STN1: variants seen among roughly 807,000 people sequenced by gnomAD.
STN1 encodes the protein STN1 subunit of CST complex.
STN1 carries 29 observed loss-of-function variants against 45.5 expected under a neutral mutation model. That is an observed-to-expected ratio of 0.64 (90% confidence interval 0.47 to 0.87). The LOEUF is 0.87. Ranked by LOEUF, STN1 falls within the 40% of genes least tolerant of loss-of-function variation. The pLI is 0.00. For missense variants in STN1, 376 were observed against 441.4 expected (o/e 0.85, Z 1.33); for synonymous variants, 148 against 159.0 (o/e 0.93, Z 0.52).
rs544871796 is a variant in STN1, at chr10:103,892,095, T to C, written c.876+35A>G. On this transcript the variant is annotated intron_variant, in intron 8 of 9. Coordinates refer to ENST00000224950, the MANE Select transcript of STN1 (RefSeq NM_024928.5). ...TAATAAATATATTTGTAATTGAAGC[T>C]ACAAAGAAAAAAAGTTAAGTTGCAA... The C allele has an allele frequency of 1.1e-5, 16 of 1,514,410 alleles. 1 individual carries two copies. Among genetic ancestry groups the C allele is most frequent in the African/African-American group, 9.8e-5 (7 of 71,284 alleles). The allele number at this position is 1,514,410 out of a possible 1,614,324, so 93.8% of individuals were successfully genotyped here. A position where few individuals can be genotyped will look rare whatever the true frequency, so the allele number is the denominator to read the frequency against.
rs1271717966 is a variant in STN1, at chr10:103,881,172, A to G, written c.*1512T>C. Among the ~76,000 whole-genome samples the G allele has an allele frequency of 6.6e-6, 1 of 152,182 alleles. No individual in the cohort carries two copies. Among genetic ancestry groups the G allele is most frequent in the Non-Finnish European group, 1.5e-5 (1 of 68,028 alleles). ...CTATAGGTATTTTCCCCAATATAGA[A>G]TTCTAGATTATACAGCAATGAACAC... is the stretch of plus-strand genomic sequence containing the variant. On this transcript the variant is annotated 3_prime_UTR_variant, in exon 10 of 10. Coordinates refer to ENST00000224950, the MANE Select transcript of STN1 (RefSeq NM_024928.5).
chr10:103,914,614 A>G (rs1843316371), intron 2 of STN1, among the ~76,000 whole-genome samples: 1 of 151,574 alleles, frequency 6.6e-6, no homozygotes, highest in African/African-American at 2.4e-5. Flanking sequence ...TGGCCTCCCA[A>G]AGTGCTGGGA....
rs1168470747 is a variant in STN1, at chr10:103,881,374, C to G, written c.*1310G>C. On this transcript the variant is annotated 3_prime_UTR_variant, in exon 10 of 10. Transcript: ENST00000224950. ...AACAGCTGCTGACCTCAAGGAAGAA[C>G]TGCCCAGGACATCATTCCAGGCAGA... Among the ~76,000 whole-genome samples, 2 of 152,228 alleles carry G rather than the reference C, an allele frequency of 1.3e-5. No homozygotes were observed. Among genetic ancestry groups the G allele is most frequent in the African/African-American group, 4.8e-5 (2 of 41,462 alleles).
chr10:103,885,085 C>G (rs1383361735), intron 9 of STN1, among the ~76,000 whole-genome samples: 1 of 152,148 alleles, frequency 6.6e-6, no homozygotes. Context: ...AAAGTCACTC[C>G]CGGGAACAAA....
intron 7 of STN1, 52 bp from the exon 8 acceptor site, chr10:103,892,304 C>T (rs1028116251): frequency 6.6e-7 from 1 of 1,519,394 alleles, no homozygotes; most frequent in African/African-American, 1.4e-5. Flanking sequence ...CACCTTACGG[C>T]ACCTGAGAAC....
At chr10:103,894,150 T>G (rs1843156667) in intron 7 of STN1, among the ~76,000 whole-genome samples, 1 of 152,210 alleles carries the variant, frequency 6.6e-6, no homozygotes, top group South Asian at 2.1e-4. Flanking sequence ...TTGCAAACCT[T>G]CATAACTACT....
chr10:103,898,039 G>A (rs912678448), intron 6 of STN1, among the ~76,000 whole-genome samples: 1 of 152,156 alleles, frequency 6.6e-6, no homozygotes, highest in Non-Finnish European at 1.5e-5. Context: ...TGTAAGCACA[G>A]AAGAAACTAA....
intron 2 of STN1, among the ~76,000 whole-genome samples, chr10:103,911,170 C>CT (rs987774177): frequency 7.8e-4 from 119 of 152,166 alleles, no homozygotes; most frequent in African/African-American, 2.7e-3. Context: ...TTTTAAAACT[C>CT]TGTTTTCAAA....
chr10:103,898,983 C>T lies in STN1; in HGVS notation c.475G>A (p.Val159Met), dbSNP rs1210351560. 1.2e-6 allele frequency: 2 copies of T among 1,614,004 alleles called. No individual in the cohort carries two copies. The highest frequency in any genetic ancestry group is 1.7e-5 in the Admixed American group (1 of 60,000). The change falls in exon 6 of 10, where the codon GTG (valine) becomes ATG (methionine). Residue 159 changes from valine to methionine, a missense_variant. Physicochemically the swap from Val to Met is conservative, Grantham distance 21 (BLOSUM62 1). Coordinates refer to ENST00000224950, the MANE Select transcript of STN1 (RefSeq NM_024928.5). ...ATCCTTGCAATTTGAATGTTCCACA[C>T]TGGGTCGTCCACTTTATCTAACAAG... Reference protein sequence around the residue: ...ATTYYKVDDPVWNIQIARMLE... With the variant: ...ATTYYKVDDPMWNIQIARMLE...
intron 3 of STN1, among the ~76,000 whole-genome samples, chr10:103,909,470 G>A (rs1197028190): frequency 2.1e-4 from 22 of 105,248 alleles, no homozygotes; most frequent in Admixed American, 4.2e-4. Flanking sequence ...GTATATATAT[G>A]TATATATGTA....
intron 7 of STN1, among the ~76,000 whole-genome samples, chr10:103,896,003 G>A (rs567355708): frequency 6.6e-6 from 1 of 152,142 alleles, no homozygotes; most frequent in Admixed American, 6.5e-5. Flanking sequence ...GAAACAGAAG[G>A]GGCTACAGTG....
At chr10:103,897,809 T>C (rs958153288) in intron 6 of STN1, 90 bp from the exon 7 acceptor site, 12 of 1,282,242 alleles carry the variant, frequency 9.4e-6, no homozygotes, top group Non-Finnish European at 1.3e-5. Context: ...AGCTAGAAAA[T>C]GCAACACTAT....
intron 4 of STN1, 122 bp downstream of exon 4, chr10:103,904,969 G>A: frequency 1.2e-6 from 1 of 852,590 alleles, no homozygotes; most frequent in Non-Finnish European, 2.0e-6. Flanking sequence ...GCTTCAGGTA[G>A]ATCAATGTAA....
Position 103,917,607 on chromosome 10 carries a change from C to T in STN1, c.-13G>A, listed in dbSNP as rs1300258345. 3.7e-6 allele frequency: 6 copies of T among 1,611,596 alleles called. No individual in the cohort carries two copies. Among genetic ancestry groups the T allele is most frequent in the Non-Finnish European group, 4.2e-6 (5 of 1,178,960 alleles). ...ATCCAGGCTGCATCAAGAGGCAGGG[C>T]TGTGGCTTCCAGCTAACTCTGAAAG... On this transcript the variant is annotated 5_prime_UTR_variant, in exon 2 of 10. Transcript: ENST00000224950.
At chr10:103,894,461 CT>C (rs1175077486) in intron 7 of STN1, among the ~76,000 whole-genome samples, 1 of 152,140 alleles carries the variant, frequency 6.6e-6, no homozygotes, top group East Asian at 1.9e-4. Flanking sequence ...AAATGGCTCT[CT>C]GTAAATATAA....
intron 4 of STN1, among the ~76,000 whole-genome samples, chr10:103,901,469 C>T (rs375596641): frequency 2.6e-5 from 4 of 152,198 alleles, no homozygotes; most frequent in African/African-American, 7.2e-5. Context: ...AAAGACCTGA[C>T]GTGAATCTCA....
At chr10:103,917,390 C>T (rs1375081347) in intron 2 of STN1, 72 bp downstream of exon 2, 4 of 1,497,250 alleles carry the variant, frequency 2.7e-6, no homozygotes, top group African/African-American at 1.4e-5. Context: ...AGCCTCTAAT[C>T]CCAGCTTTCT....
At position 103,880,410 on chromosome 10, in the gene STN1, G is replaced by A. The variant is rs1843060726; in HGVS notation, c.*2274C>T. ...ACTCTGCGTGGTGGGTTTCATCCAG[G>A]ACCAGCAATCTGGTCTTTTAGCCTT... On this transcript the variant is annotated 3_prime_UTR_variant, in exon 10 of 10. Transcript: ENST00000224950. 1.3e-5 allele frequency among the ~76,000 whole-genome samples: 2 copies of A among 152,216 alleles called. No individual in the cohort carries two copies. Among genetic ancestry groups the A allele is most frequent in the South Asian group, 4.1e-4 (2 of 4,832 alleles).
rs897863360 is a variant in STN1, at chr10:103,881,556, G to A, written c.*1128C>T. 2.0e-5 allele frequency among the ~76,000 whole-genome samples: 3 copies of A among 152,186 alleles called. 1 individual carries two copies. The highest frequency in any genetic ancestry group is 4.1e-4 in the South Asian group (2 of 4,832). On this transcript the variant is annotated 3_prime_UTR_variant, in exon 10 of 10. Coordinates refer to ENST00000224950, the MANE Select transcript of STN1 (RefSeq NM_024928.5). ...TCAGCCTGACGTATCGAGCTGCAGC[G>A]GACTTCTGCGTATAAAGACTGTCCT...
Sources: allele counts gnomAD v4.1 joint callset (sites outside exome capture counted in the v4.1 genomes callset), GRCh38; gene constraint gnomAD v4.1.1; transcripts MANE v1.5; gene names NCBI Gene and HGNC (gene_info 2026-07-23, HGNC 2026-07-21).